Variants in CLMN observed in about 807,000 individuals in gnomAD.
The protein encoded by CLMN is calmin (calponin-like, transmembrane).
In CLMN, 57 loss-of-function variants were observed where a neutral mutation model predicts 92.7. That is an observed-to-expected ratio of 0.61 (90% CI 0.50 to 0.77). CLMN has a LOEUF of 0.77. Ranked by LOEUF, CLMN falls within the 30% of genes least tolerant of loss-of-function variation. CLMN has a pLI of 0.00. For synonymous variants in CLMN, 466 were observed against 470.6 expected (o/e 0.99, Z 0.13); for missense variants, 1,158 against 1,237.5 (o/e 0.94, Z 0.96).
intron 6 of CLMN, among the ~76,000 whole-genome samples, chr14:95,211,787 C>T (rs573556186): frequency 6.6e-6 from 1 of 152,280 alleles, no homozygotes; most frequent in Non-Finnish European, 1.5e-5. Context: ...TCTTATGCTA[C>T]CAGGGTGCGT....
At chr14:95,245,588 G>GTGGA (rs1898519871) in intron 1 of CLMN, among the ~76,000 whole-genome samples, 1 of 142,898 alleles carries the variant, frequency 7.0e-6, no homozygotes, top group African/African-American at 2.6e-5. Context: ...GGATGGGTGG[G>GTGGA]TGGATGGATG....
intron 1 of CLMN, among the ~76,000 whole-genome samples, chr14:95,257,770 A>G (rs2140692017): frequency 6.6e-6 from 1 of 152,356 alleles, no homozygotes. Context: ...TGGTCCTCCC[A>G]GTCCCAGTTG....
At position 95,223,837 on chromosome 14, in the gene CLMN, C is replaced by G. The variant is rs765560794; in HGVS notation, c.163G>C (p.Val55Leu). The change falls in exon 3 of 13, where the codon GTT becomes CTT. Residue 55 changes from valine to leucine, a missense_variant. Physicochemically the swap from Val to Leu is conservative, Grantham distance 32 (BLOSUM62 1). Coordinates refer to ENST00000298912, the MANE Select transcript of CLMN (RefSeq NM_024734.4). ...HLEKCNPPLE[V>L]KDLFVDIQDG... ...TGTATATCGACGAATAAATCTTTAA[C>G]TTCTAGAGGTGGGTTGCACTTTGAA... 6.2e-7 allele frequency: 1 copy of G among 1,613,152 alleles called. No homozygotes were observed. The highest frequency in any genetic ancestry group is 1.1e-5 in the South Asian group (1 of 90,814).
intron 1 of CLMN, among the ~76,000 whole-genome samples, chr14:95,292,406 A>G (rs1187246869): frequency 2.0e-5 from 3 of 150,976 alleles, no homozygotes; most frequent in African/African-American, 7.3e-5. Context: ...AAACACCAGT[A>G]ATGAGATCTG....
chr14:95,284,066 CA>C lies in CLMN; in HGVS notation c.82+35644del, dbSNP rs565313626. 2.2e-3 allele frequency among the ~76,000 whole-genome samples: 336 copies of C among 152,262 alleles called. 1 individual carries two copies. Among genetic ancestry groups the C allele is most frequent in the African/African-American group, 7.4e-3 (306 of 41,542 alleles). On this transcript the variant is annotated intron_variant, in intron 1 of 12. Transcript: ENST00000298912. The stretch of plus-strand genomic sequence containing the variant: ...AGACCCAGGGTGCCTGTGCTGTGTG[CA>C]GCCTAGGGACTTGGTGCCCTGTGTC...
intron 1 of CLMN, among the ~76,000 whole-genome samples, chr14:95,247,075 A>T (rs1207011383): frequency 1.3e-5 from 2 of 151,822 alleles, no homozygotes; most frequent in Non-Finnish European, 2.9e-5. Context: ...GAACCATGAC[A>T]GCCTGGGTGA....
chr14:95,310,793 G>A (rs934691996), intron 1 of CLMN, among the ~76,000 whole-genome samples: 2 of 152,168 alleles, frequency 1.3e-5, no homozygotes, highest in East Asian at 1.9e-4. Flanking sequence ...AAGGGACCTC[G>A]TGGACAAAGG....
At chr14:95,196,748 T>G in intron 9 of CLMN, 54 bp from the exon 10 acceptor site, 1 of 1,552,778 alleles carries the variant, frequency 6.4e-7, no homozygotes, top group Admixed American at 1.8e-5. Flanking sequence ...CAGTGTAAAG[T>G]AGGTGACATC....
intron 1 of CLMN, among the ~76,000 whole-genome samples, chr14:95,317,782 G>A (rs1298525241): frequency 6.6e-6 from 1 of 152,056 alleles, no homozygotes; most frequent in Non-Finnish European, 1.5e-5. Flanking sequence ...TCTTGATCTG[G>A]GTGGTTGTTA....
Position 95,203,009 on chromosome 14 carries a change from G to A in CLMN, c.2340C>T (p.Ser780=), listed in dbSNP as rs1460037131. 6.2e-7 allele frequency: 1 copy of A among 1,614,172 alleles called. No individual in the cohort carries two copies. Among genetic ancestry groups the A allele is most frequent in the Non-Finnish European group, 8.5e-7 (1 of 1,180,034 alleles). Residue 780 remains serine, a synonymous_variant, in exon 9 of 13, where the codon AGC becomes AGT. Coordinates refer to ENST00000298912, the MANE Select transcript of CLMN (RefSeq NM_024734.4). ...TCTCTCCTGGCACCGAGGAACTGGA[G>A]CTGCTCTGAGAGCCATCGGCCTCCT... ...REEEADGSQS[S]SSSSVPGESL...
chr14:95,283,249 C>A (rs1900208816), intron 1 of CLMN, among the ~76,000 whole-genome samples: 1 of 152,194 alleles, frequency 6.6e-6, no homozygotes, highest in Non-Finnish European at 1.5e-5. Context: ...CTCATTTTCT[C>A]TTGCTGCTGC....
Position 95,182,999 on chromosome 14 carries a change from T to C in CLMN, c.*8565A>G, listed in dbSNP as rs1010689814. The C allele has an allele frequency of 2.0e-5, 3 of 152,252 alleles. No homozygotes were observed. Among genetic ancestry groups the C allele is most frequent in the African/African-American group, 7.2e-5 (3 of 41,476 alleles). The allele number at this position is 152,252 out of a possible 1,614,324, so 9.4% of individuals were successfully genotyped here. A position where few individuals can be genotyped will look rare whatever the true frequency, so the allele number is the denominator to read the frequency against. ...AGAAGCACTGCCCTAAGCTTTGGGC[T>C]GATATACAGAGGTACACTTGCTTTA... On this transcript the variant is annotated 3_prime_UTR_variant, in exon 13 of 13. Transcript: ENST00000298912.
At chr14:95,268,777 CCTCTCT>C (rs1195649669) in intron 1 of CLMN, among the ~76,000 whole-genome samples, 1 of 129,652 alleles carries the variant, frequency 7.7e-6, no homozygotes. Flanking sequence ...TATACTGGGA[CCTCTCT>C]CTCTCTCTCT....
intron 10 of CLMN, among the ~76,000 whole-genome samples, chr14:95,195,214 G>T (rs1896671598): frequency 6.6e-6 from 1 of 152,210 alleles, no homozygotes; most frequent in South Asian, 2.1e-4. Flanking sequence ...GAATTAATCT[G>T]CTTAGGGAGA....
intron 1 of CLMN, among the ~76,000 whole-genome samples, chr14:95,299,392 C>T (rs551767424): frequency 6.6e-6 from 1 of 152,306 alleles, no homozygotes; most frequent in African/African-American, 2.4e-5. Context: ...AGAGCCAGGT[C>T]TCTCCTCCAG....
chr14:95,283,952 A>C (rs1900239383), intron 1 of CLMN, among the ~76,000 whole-genome samples: 1 of 152,210 alleles, frequency 6.6e-6, no homozygotes, highest in Non-Finnish European at 1.5e-5. Flanking sequence ...CCATAGAGAA[A>C]GTGTCTCCAG....
At chr14:95,201,252 T>A (rs1896871332) in intron 9 of CLMN, among the ~76,000 whole-genome samples, 1 of 151,890 alleles carries the variant, frequency 6.6e-6, no homozygotes, top group Non-Finnish European at 1.5e-5. Flanking sequence ...TATGTAGGTA[T>A]ATTGCATGAT....
Position 95,203,897 on chromosome 14 carries a change from G to A in CLMN, c.1452C>T (p.Ser484=). Reference sequence around the variant, plus strand: ...TGTCACCAGCGACCTTGTCAGAGGAGGATTCTGGAATCTTCGAGGATTCCT... The same window carrying A: ...TGTCACCAGCGACCTTGTCAGAGGAAGATTCTGGAATCTTCGAGGATTCCT... ...QKQESSKIPE[S]SSDKVAGDIF... Residue 484 remains serine (S), a synonymous_variant, in exon 9 of 13, where the codon TCC becomes TCT. Transcript: ENST00000298912. 6.2e-7 allele frequency: 1 copy of A among 1,613,150 alleles called. No homozygotes were observed. The highest frequency in any genetic ancestry group is 8.5e-7 in the Non-Finnish European group (1 of 1,180,014).
intron 1 of CLMN, chr14:95,260,549 G>A (rs1370824831): frequency 6.6e-6 from 1 of 152,202 alleles, no homozygotes; most frequent in Non-Finnish European, 1.5e-5. Flanking sequence ...CGTTATCTTA[G>A]ACACATCCTT....
Sources: gnomAD v4.1 joint callset for allele counts (sites outside exome capture counted in the v4.1 genomes callset) on GRCh38, gnomAD v4.1.1 for gene constraint, MANE v1.5 for transcripts, NCBI Gene and HGNC (gene_info 2026-07-23, HGNC 2026-07-21) for gene names.